ZNF560: variants seen among roughly 807,000 people sequenced by gnomAD.
The protein encoded by ZNF560 is zinc finger protein 560.
A neutral mutation model predicts 81.8 loss-of-function variants in ZNF560; 54 were observed. The observed-to-expected ratio is 0.66, with a 90% CI of 0.53 to 0.83. The LOEUF (loss-of-function observed/expected upper bound fraction) is 0.83, where lower values mean the gene tolerates loss of function less well. Among genes scored for constraint, ZNF560 ranks in the 40% least tolerant of loss-of-function variants. ZNF560 has a pLI of 0.00. For missense variants in ZNF560, 940 were observed against 932.4 expected (o/e 1.01, Z -0.11); for synonymous variants, 321 against 317.9 (o/e 1.01, Z -0.10).
At chr19:9,496,593 A>T (rs1299808386) in intron 2 of ZNF560, among the ~76,000 whole-genome samples, 3 of 141,298 alleles carry the variant, frequency 2.1e-5, no homozygotes, top group African/African-American at 5.2e-5. Flanking sequence ...GGAAAAAAAA[A>T]AGGTGGGGGT....
At chr19:9,456,932 C>G in the ZNF560 span, among the ~76,000 whole-genome samples, 1 of 152,106 alleles carries the variant, frequency 6.6e-6, no homozygotes, top group Admixed American at 6.5e-5. Flanking sequence ...AAAAAATTTG[C>G]AAGGTTTGAA....
intron 5 of ZNF560, 143 bp downstream of exon 5, chr19:9,473,036 A>T: frequency 1.4e-6 from 1 of 698,524 alleles, no homozygotes; most frequent in South Asian, 1.6e-5. Context: ...GAGCCTGCAG[A>T]ATCGTGAGCC....
the ZNF560 span, among the ~76,000 whole-genome samples, chr19:9,505,295 T>C: frequency 6.6e-6 from 1 of 152,220 alleles, no homozygotes; most frequent in East Asian, 1.9e-4. Context: ...TAAAGTCTTT[T>C]ACTTAAAGTT....
chr19:9,490,715 C>T (rs10419036), intron 2 of ZNF560, among the ~76,000 whole-genome samples: 22,881 of 152,144 alleles, frequency 0.15, 2,583 homozygotes, highest in African/African-American at 0.31. Flanking sequence ...CCATAAGCCA[C>T]AGTTTGCCAA....
the ZNF560 span, among the ~76,000 whole-genome samples, chr19:9,450,847 A>G: frequency 5.9e-5 from 9 of 152,190 alleles, no homozygotes; most frequent in Admixed American, 3.3e-4. Context: ...CTGTACACCA[A>G]TAGTGTTCAA....
the ZNF560 span, among the ~76,000 whole-genome samples, chr19:9,446,358 C>G: frequency 1.5e-5 from 2 of 137,808 alleles, no homozygotes; most frequent in African/African-American, 5.9e-5. Flanking sequence ...CCAATTTTGC[C>G]AAGTCATACA....
chr19:9,481,298 A>G (rs537292269), intron 2 of ZNF560, among the ~76,000 whole-genome samples: 12 of 152,318 alleles, frequency 7.9e-5, no homozygotes, highest in Admixed American at 7.2e-4. Context: ...CTTAAATGTT[A>G]GACCTAAAAC....
the ZNF560 span, among the ~76,000 whole-genome samples, chr19:9,450,634 A>G: frequency 6.6e-6 from 1 of 152,026 alleles, no homozygotes; most frequent in African/African-American, 2.4e-5. Flanking sequence ...GCTCACTGCA[A>G]CCTCTGCACA....
At chr19:9,447,058 T>C in the ZNF560 span, among the ~76,000 whole-genome samples, 382 of 141,710 alleles carry the variant, frequency 2.7e-3, 2 homozygotes, top group African/African-American at 9.9e-3. Flanking sequence ...CGCTTGAACC[T>C]GGGAGGCGGA....
At chr19:9,459,657 A>G in the ZNF560 span, among the ~76,000 whole-genome samples, 89 of 152,196 alleles carry the variant, frequency 5.8e-4, 1 homozygote, top group Non-Finnish European at 8.8e-4. Flanking sequence ...GTGATCAAAG[A>G]AGCAGGTGGT....
In ZNF560 at chr19:9,473,326, A is replaced by T. The variant is rs555270687; in HGVS notation, c.158-67T>A. ...CCAGGCACAGTGGCTCATGCCTGTA[A>T]TCCCAGCACTTTGGGAGGCTGAAGT... On this transcript the variant is annotated intron_variant, in intron 4 of 9. Transcript: ENST00000301480. The T allele has an allele frequency of 7.2e-4, 898 of 1,241,386 alleles. 5 individuals carry two copies. Among genetic ancestry groups the T allele is most frequent in the Middle Eastern group, 6.5e-3 (33 of 5,088 alleles). The allele number at this position is 1,241,386 out of a possible 1,614,324, so 76.9% of individuals were successfully genotyped here. A position where few individuals can be genotyped will look rare whatever the true frequency, so the allele number is the denominator to read the frequency against.
chr19:9,499,165 TTTTTC>T (rs1003115440), upstream of ZNF560, among the ~76,000 whole-genome samples: 8 of 152,210 alleles, frequency 5.3e-5, no homozygotes, highest in East Asian at 7.7e-4. Flanking sequence ...TTTTCTTTCT[TTTTTC>T]TTTTCTTTTC....
At chr19:9,470,243 T>C (rs908843777) in intron 7 of ZNF560, 149 bp downstream of exon 7, 2 of 777,992 alleles carry the variant, frequency 2.6e-6, no homozygotes, top group Non-Finnish European at 4.1e-6. Flanking sequence ...GTCTCTGTTA[T>C]TTCCTATTTT....
rs146030501 is a variant in ZNF560, at chr19:9,467,784, G to A, written c.1163C>T (p.Pro388Leu). ...TCGTACATGTTCAAGAAAGCCTGAC[G>A]GCACAGTGAAGGTTTTGCCACAGTG... The part of the protein sequence containing the change: ...CKHCGKTFTV[P>L]SGFLEHVRTH... The change falls in exon 10 of 10, where the codon CCG (proline) becomes CTG (leucine). Residue 388 changes from proline (P) to leucine (L), a missense_variant. Coordinates refer to ENST00000301480, the MANE Select transcript of ZNF560 (RefSeq NM_152476.3). 5.4e-4 allele frequency: 864 copies of A among 1,614,078 alleles called. No individual in the cohort carries two copies. The highest frequency in any genetic ancestry group is 6.9e-4 in the Non-Finnish European group (809 of 1,180,006).
upstream of ZNF560, among the ~76,000 whole-genome samples, chr19:9,500,142 G>A (rs2073620320): frequency 6.6e-6 from 1 of 152,038 alleles, no homozygotes; most frequent in African/African-American, 2.4e-5. Context: ...CCAACATTTT[G>A]GGAGGCCGAG....
downstream of ZNF560, among the ~76,000 whole-genome samples, chr19:9,461,686 T>C (rs1338307518): frequency 6.6e-6 from 1 of 152,162 alleles, no homozygotes; most frequent in Non-Finnish European, 1.5e-5. Flanking sequence ...ATCAAGTAGC[T>C]AGTTTGGAAT....
chr19:9,464,466 C>T (rs1328881166), downstream of ZNF560, among the ~76,000 whole-genome samples: 4 of 152,202 alleles, frequency 2.6e-5, no homozygotes, highest in Non-Finnish European at 5.9e-5. Flanking sequence ...CATGAAATCA[C>T]GGTATCTTAA....
the ZNF560 span, among the ~76,000 whole-genome samples, chr19:9,452,255 G>A: frequency 6.6e-6 from 1 of 152,086 alleles, no homozygotes; most frequent in Non-Finnish European, 1.5e-5. Flanking sequence ...CTATTTAAAA[G>A]TCAAAAAACA....
the ZNF560 span, among the ~76,000 whole-genome samples, chr19:9,454,545 G>A: frequency 5.3e-5 from 8 of 152,300 alleles, no homozygotes; most frequent in South Asian, 1.4e-3. Context: ...GGGTAACAAT[G>A]GGACAAGGGT....
Sources: allele counts gnomAD v4.1 joint callset (sites outside exome capture counted in the v4.1 genomes callset), GRCh38; gene constraint gnomAD v4.1.1; transcripts MANE v1.5; gene names NCBI Gene and HGNC (gene_info 2026-07-23, HGNC 2026-07-21).